The following PCNX2 variants were observed in gnomAD, a reference collection of about 807,000 sequenced individuals.
The protein encoded by PCNX2 is pecanex-like protein 2.
PCNX2 carries 168 observed loss-of-function variants against 223.8 expected under a neutral mutation model. The observed-to-expected ratio is 0.75, with a 90% CI of 0.66 to 0.85. The LOEUF is 0.85. Among genes scored for constraint, PCNX2 ranks in the 40% least tolerant of loss-of-function variants. The probability of loss-of-function intolerance (pLI) is 0.00; values close to 1 mark genes in which losing one functional copy is unlikely to be tolerated. For synonymous variants in PCNX2, 1,006 were observed against 1,052.6 expected, an observed-to-expected ratio of 0.96 and a Z score of 0.86; for missense variants, 2,507 against 2,675.5, an observed-to-expected ratio of 0.94 and a Z score of 1.39.
In PCNX2 at chr1:233,262,999, C is replaced by T. The variant is rs765326627; in HGVS notation, c.318G>A (p.Lys106=). The T allele has an allele frequency of 1.2e-6, 2 of 1,613,670 alleles. No individual in the cohort carries two copies. The change falls in exon 2 of 34, where the codon AAG becomes AAA. Residue 106 remains lysine, a synonymous_variant. Transcript: ENST00000258229. ...SRKEEKPNKD[K]EAKGEHITNH... Reference sequence around the variant, plus strand: ...TAGTTATGTGTTCACCTTTGGCCTCCTTGTCTTTATTTGGCTTTTCTTCCT... The same window carrying T: ...TAGTTATGTGTTCACCTTTGGCCTCTTTGTCTTTATTTGGCTTTTCTTCCT...
intron 23 of PCNX2, among the ~76,000 whole-genome samples, chr1:233,079,217 G>A (rs1005009711): frequency 1.2e-4 from 19 of 152,076 alleles, no homozygotes; most frequent in South Asian, 6.2e-4. Context: ...ATGCTTTTGC[G>A]CCATCACTCT....
chr1:233,014,281 TC>T (rs1488308877), intron 28 of PCNX2, among the ~76,000 whole-genome samples: 2 of 152,146 alleles, frequency 1.3e-5, no homozygotes, highest in African/African-American at 4.8e-5. Context: ...GTGAGGATTT[TC>T]TTTTATGAAG....
rs1222607820 is a variant in PCNX2, at chr1:233,295,701, C to T, written c.-223G>A. 4.8e-6 allele frequency: 2 copies of T among 419,222 alleles called. No individual in the cohort carries two copies. The highest frequency in any genetic ancestry group is 8.0e-6 in the Non-Finnish European group (2 of 251,276). The allele number at this position is 419,222 out of a possible 1,614,324, so 26.0% of individuals were successfully genotyped here. The stretch of plus-strand genomic sequence containing the variant: ...GCCGGAGCCGGCTGCTGCGGCCGGG[C>T]AGGTGAGCGCCATGTCCGAGGGAGG... On this transcript the variant is annotated 5_prime_UTR_variant, in exon 1 of 34. Transcript: ENST00000258229. This position sits in a 1 kb window ranked among gnomAD's most constrained non-coding sequence, Gnocchi z 4.1.
chr1:233,228,434 C>T (rs1009392848), intron 9 of PCNX2, among the ~76,000 whole-genome samples: 4 of 152,186 alleles, frequency 2.6e-5, no homozygotes, highest in Admixed American at 2.0e-4. Flanking sequence ...CATATTCACA[C>T]TGTTGTGCAA....
chr1:233,096,066 A>G (rs550175062), intron 21 of PCNX2, among the ~76,000 whole-genome samples: 1 of 152,330 alleles, frequency 6.6e-6, no homozygotes, highest in East Asian at 1.9e-4. Context: ...ATCAGAAGAA[A>G]TCTTGCATGG....
At chr1:233,017,381 G>A (rs558253095) in intron 26 of PCNX2, among the ~76,000 whole-genome samples, 20 of 140,580 alleles carry the variant, frequency 1.4e-4, no homozygotes, top group Admixed American at 3.0e-4. Flanking sequence ...GCAGCGGTGC[G>A]ATCTCGGCTC....
chr1:233,161,844 A>G (rs2102823496), intron 17 of PCNX2, among the ~76,000 whole-genome samples: 1 of 152,182 alleles, frequency 6.6e-6, no homozygotes, highest in East Asian at 1.9e-4. Context: ...AAACCTGGCT[A>G]AAACAAACAG....
chr1:233,057,126 G>A (rs2102879786), intron 24 of PCNX2, 106 bp downstream of exon 24: 1 of 958,822 alleles, frequency 1.0e-6, no homozygotes, highest in Non-Finnish European at 1.6e-6. Context: ...TAACTAAGAT[G>A]TGCATTGTCT....
chr1:233,147,379 GA>G (rs1677521110), intron 19 of PCNX2, among the ~76,000 whole-genome samples: 1 of 152,122 alleles, frequency 6.6e-6, no homozygotes, highest in African/African-American at 2.4e-5. Context: ...ATAAGAAAGA[GA>G]AAATATATTT....
intron 20 of PCNX2, among the ~76,000 whole-genome samples, chr1:233,137,314 G>A (rs953777201): frequency 2.0e-5 from 3 of 151,868 alleles, no homozygotes; most frequent in Admixed American, 1.3e-4. Context: ...GTGGGTGTGA[G>A]TGTGTTCTGC....
chr1:233,258,459 G>C lies in PCNX2; in HGVS notation c.1403C>G (p.Ser468Cys), dbSNP rs538948079. The C allele has an allele frequency of 3.1e-6, 5 of 1,613,926 alleles. No individual in the cohort carries two copies. The highest frequency in any genetic ancestry group is 2.2e-5 in the East Asian group (1 of 44,844). ...TCCCCCCTCCCCAGATCCGTAGCCA[G>C]AACACTGATTGGTGGATACCCTCGT... is the stretch of plus-strand genomic sequence containing the variant. ...LKTRVSTNQCSGYGSGEGGNA... is the reference protein window; with the variant it reads ...LKTRVSTNQCCGYGSGEGGNA... Residue 468 changes from serine to cysteine, a missense_variant, in exon 5 of 34, where the codon TCT becomes TGT. Ser to Cys is a moderately radical substitution (Grantham distance 112). Around this residue, in one of 3 missense-constraint regions of PCNX2, gnomAD observed 1,031 missense variants for 1,021.7 expected, o/e 1.01. Coordinates refer to ENST00000258229, the MANE Select transcript of PCNX2 (RefSeq NM_014801.4).
chr1:233,231,869 G>C (rs932419698), intron 9 of PCNX2, among the ~76,000 whole-genome samples: 1 of 152,202 alleles, frequency 6.6e-6, no homozygotes, highest in Non-Finnish European at 1.5e-5. Flanking sequence ...CACTGGGTCA[G>C]GGTCCCTTCA....
intron 23 of PCNX2, among the ~76,000 whole-genome samples, chr1:233,086,303 G>GT (rs1673596023): frequency 1.3e-5 from 2 of 152,148 alleles, no homozygotes; most frequent in African/African-American, 2.4e-5. Flanking sequence ...TTTCCAATAT[G>GT]GTAGCCTCCC....
At chr1:233,035,356 A>G (rs1025861256) in intron 25 of PCNX2, among the ~76,000 whole-genome samples, 1 of 152,230 alleles carries the variant, frequency 6.6e-6, no homozygotes, top group African/African-American at 2.4e-5. Flanking sequence ...CTGGATTCAT[A>G]AAAAAATCCA....
chr1:233,273,563 G>A (rs1252712158), intron 1 of PCNX2, among the ~76,000 whole-genome samples: 1 of 151,978 alleles, frequency 6.6e-6, no homozygotes, highest in Non-Finnish European at 1.5e-5. Flanking sequence ...TAACTACCAA[G>A]GATTGTCCAA....
intron 28 of PCNX2, among the ~76,000 whole-genome samples, chr1:233,007,440 G>A (rs1213010546): frequency 6.6e-6 from 1 of 152,186 alleles, no homozygotes; most frequent in Admixed American, 6.5e-5. Flanking sequence ...TCACACTGAA[G>A]AAGCACAGGA....
chr1:233,306,474 CA>C, the PCNX2 span, among the ~76,000 whole-genome samples: 1 of 152,172 alleles, frequency 6.6e-6, no homozygotes, highest in Non-Finnish European at 1.5e-5. Context: ...TGACATCACA[CA>C]AACAACACAA....
chr1:233,206,441 T>C (rs1015226643), intron 13 of PCNX2, among the ~76,000 whole-genome samples: 1 of 151,294 alleles, frequency 6.6e-6, no homozygotes, highest in Non-Finnish European at 1.5e-5. Context: ...ACTCTGATTT[T>C]TTCACTGCAG....
rs1313922549 is a variant in PCNX2, at chr1:232,991,399, TGAGA to T, written c.5792-4863_5792-4860del. 1.3e-5 allele frequency among the ~76,000 whole-genome samples: 2 copies of T among 151,442 alleles called. No homozygotes were observed. The highest frequency in any genetic ancestry group is 2.9e-5 in the Non-Finnish European group (2 of 67,880). On this transcript the variant is annotated intron_variant, in intron 32 of 33. Transcript: ENST00000258229. The surrounding 1 kb of genome is among the most constrained non-coding windows in gnomAD (Gnocchi z 4.3). ...GGGCTGAGAGAAGGGAGAGAAGGCG[TGAGA>T]GAGAGAGCAGACCAGATGGGGGCCT... is the stretch of plus-strand genomic sequence containing the variant.
Sources: gnomAD v4.1 joint callset for allele counts (sites outside exome capture counted in the v4.1 genomes callset) on GRCh38, gnomAD v4.1.1 for gene constraint, gnomAD v4.1.1 regional missense constraint, Gnocchi (gnomAD v3.1) non-coding constraint, MANE v1.5 for transcripts, NCBI Gene and HGNC (gene_info 2026-07-23, HGNC 2026-07-21) for gene names.